The following EPSTI1 variants were observed in gnomAD, a reference collection of about 807,000 sequenced individuals.
EPSTI1 encodes epithelial stromal interaction 1.
EPSTI1 carries 66 observed loss-of-function variants against 49.9 expected under a neutral mutation model. The ratio of observed to expected loss-of-function variants is 1.32; its 90% confidence interval spans 1.08 to 1.62. EPSTI1 has a LOEUF of 1.62. Ranked by LOEUF, EPSTI1 falls within the 40% of genes most tolerant of loss-of-function variation. EPSTI1 has a pLI of 0.00. For missense variants in EPSTI1, 394 were observed against 365.5 expected (o/e 1.08, Z -0.64); for synonymous variants, 137 against 130.7 (o/e 1.05, Z -0.33).
intron 6 of EPSTI1, among the ~76,000 whole-genome samples, chr13:42,928,586 T>A (rs2038260405): frequency 6.6e-6 from 1 of 152,222 alleles, no homozygotes. Flanking sequence ...AAATAAAATT[T>A]ACTTATGTCC....
intron 8 of EPSTI1, among the ~76,000 whole-genome samples, chr13:42,905,501 T>C (rs185620535): frequency 1.3e-5 from 2 of 152,260 alleles, no homozygotes; most frequent in East Asian, 3.9e-4. Flanking sequence ...TTTACTGAGA[T>C]CCCACAGAGA....
intron 6 of EPSTI1, among the ~76,000 whole-genome samples, chr13:42,942,398 T>C (rs2038781180): frequency 6.6e-6 from 1 of 152,088 alleles, no homozygotes; most frequent in Non-Finnish European, 1.5e-5. Context: ...AAGGCAGAAA[T>C]TGACGATCAA....
At chr13:42,904,568 A>T (rs1407838342) in intron 8 of EPSTI1, among the ~76,000 whole-genome samples, 1 of 152,240 alleles carries the variant, frequency 6.6e-6, no homozygotes, top group African/African-American at 2.4e-5. Context: ...ATGTATATGA[A>T]TATTCACAGT....
intron 6 of EPSTI1, among the ~76,000 whole-genome samples, chr13:42,952,506 T>C (rs534998902): frequency 2.6e-5 from 4 of 152,326 alleles, no homozygotes; most frequent in Admixed American, 1.3e-4. Flanking sequence ...CAATGATACA[T>C]TCACAGTCTT....
At chr13:42,899,693 C>T (rs2037299330) in intron 9 of EPSTI1, among the ~76,000 whole-genome samples, 1 of 152,118 alleles carries the variant, frequency 6.6e-6, no homozygotes, top group African/African-American at 2.4e-5. Context: ...AACTCGTGTC[C>T]CCCTAGAAAT....
chr13:42,907,609 G>A lies in EPSTI1; in HGVS notation c.742-7226C>T, dbSNP rs191633250. ...TTCAGTGTTTGTGGTATATATTGACGTCTACTAGTGGAAGTTCTCCTTACC... is the reference window on the plus strand; with the variant it reads ...TTCAGTGTTTGTGGTATATATTGACATCTACTAGTGGAAGTTCTCCTTACC... On this transcript the variant is annotated intron_variant, in intron 8 of 10. Transcript: ENST00000313624. Among the ~76,000 whole-genome samples, 1,013 of 152,180 alleles carry A rather than the reference G, an allele frequency of 6.7e-3. 17 individuals are homozygous for A. Among genetic ancestry groups the A allele is most frequent in the Admixed American group, 0.043 (665 of 15,290 alleles).
chr13:42,890,920 A>C (rs915742696), intron 10 of EPSTI1, among the ~76,000 whole-genome samples: 1 of 152,118 alleles, frequency 6.6e-6, no homozygotes, highest in African/African-American at 2.4e-5. Context: ...TTTCCCTTCT[A>C]TTCCTAGTTT....
rs562303470 is a variant in EPSTI1 at position 42,944,026 on chromosome 13, C to G, written c.563+9922G>C. On this transcript the variant is annotated intron_variant, in intron 6 of 10. Coordinates refer to ENST00000313624, the MANE Select transcript of EPSTI1 (RefSeq NM_033255.5). ...TTAAAAAGTCAGGAAAAAACAGTTG[C>G]TGGAGAGGATGTGGAGAAATAGGAA... 1.2e-4 allele frequency among the ~76,000 whole-genome samples: 18 copies of G among 152,250 alleles called. No individual in the cohort carries two copies. The South Asian group carries it at 3.5e-3, about 30-fold the overall frequency.
rs753048260 is a variant in EPSTI1 at position 42,888,267 on chromosome 13, C to T, written c.*227G>A. The T allele has an allele frequency of 1.2e-6, 2 of 1,613,630 alleles. No individual in the cohort carries two copies. Among genetic ancestry groups the T allele is most frequent in the Admixed American group, 3.3e-5 (2 of 59,984 alleles). Reference sequence around the variant, plus strand: ...ACTTCCAATTAGAAAAATAATGTAGCATTTCCCTGGCAGTAGAGATTAAAT... The same window carrying T: ...ACTTCCAATTAGAAAAATAATGTAGTATTTCCCTGGCAGTAGAGATTAAAT... On this transcript the variant is annotated 3_prime_UTR_variant, in exon 11 of 11. Coordinates refer to ENST00000313624, the MANE Select transcript of EPSTI1 (RefSeq NM_033255.5).
intron 5 of EPSTI1, among the ~76,000 whole-genome samples, chr13:42,954,859 T>C (rs531483830): frequency 1.4e-3 from 207 of 152,318 alleles, no homozygotes; most frequent in Non-Finnish European, 2.0e-3. Flanking sequence ...GGGGTTGCTT[T>C]AATAAAAATT....
At chr13:42,904,270 C>A (rs1270474932) in intron 8 of EPSTI1, among the ~76,000 whole-genome samples, 1 of 152,114 alleles carries the variant, frequency 6.6e-6, no homozygotes, top group Non-Finnish European at 1.5e-5. Flanking sequence ...AAGGAAAAAA[C>A]AACCAAAAAG....
At chr13:42,916,620 G>A (rs149140540) in intron 8 of EPSTI1, among the ~76,000 whole-genome samples, 43 of 152,170 alleles carry the variant, frequency 2.8e-4, no homozygotes, top group African/African-American at 9.9e-4. Flanking sequence ...ACCAAATCAA[G>A]GAAATCAAAA....
chr13:42,969,001 A>G (rs2039696824), intron 3 of EPSTI1, 93 bp downstream of exon 3: 2 of 1,201,558 alleles, frequency 1.7e-6, no homozygotes, highest in Admixed American at 1.8e-5. Flanking sequence ...ACAAACTACA[A>G]TGGACATTCA....
At chr13:42,923,231 T>C (rs1237248077) in intron 7 of EPSTI1, among the ~76,000 whole-genome samples, 1 of 152,178 alleles carries the variant, frequency 6.6e-6, no homozygotes, top group African/African-American at 2.4e-5. Flanking sequence ...AACACCAGGA[T>C]AAGATTTTTT....
At chr13:42,925,575 A>T (rs981249767) in intron 7 of EPSTI1, among the ~76,000 whole-genome samples, 1 of 152,184 alleles carries the variant, frequency 6.6e-6, no homozygotes, top group African/African-American at 2.4e-5. Flanking sequence ...CTGAATTTCC[A>T]GAGGTAACAC....
chr13:42,953,877 A>G (rs1163558661), intron 6 of EPSTI1, 71 bp downstream of exon 6: 1 of 1,235,802 alleles, frequency 8.1e-7, no homozygotes, highest in Non-Finnish European at 1.2e-6. Context: ...ACAAGTTAGC[A>G]TCACCTGAAT....
chr13:42,978,846 C>T (rs943022294), intron 1 of EPSTI1, among the ~76,000 whole-genome samples: 3 of 152,158 alleles, frequency 2.0e-5, no homozygotes, highest in Non-Finnish European at 2.9e-5. Context: ...CATCTCCTTT[C>T]TTCATGCTGT....
intron 6 of EPSTI1, among the ~76,000 whole-genome samples, chr13:42,949,468 A>G (rs1374042978): frequency 6.6e-6 from 1 of 152,012 alleles, no homozygotes; most frequent in Non-Finnish European, 1.5e-5. Context: ...TTGCATGCCT[A>G]TAGCCCCAGC....
chr13:42,979,295 C>A (rs1056322868), intron 1 of EPSTI1, among the ~76,000 whole-genome samples: 1 of 152,102 alleles, frequency 6.6e-6, no homozygotes, highest in Non-Finnish European at 1.5e-5. Context: ...AAATTTTAAG[C>A]CGGTGGGGCA....
Sources: gnomAD v4.1 joint callset for allele counts (sites outside exome capture counted in the v4.1 genomes callset) on GRCh38, gnomAD v4.1.1 for gene constraint, MANE v1.5 for transcripts, NCBI Gene and HGNC (gene_info 2026-07-23, HGNC 2026-07-21) for gene names.